Variants in ROBO2 observed in about 807,000 individuals in gnomAD.
ROBO2 encodes roundabout homolog 2.
In ROBO2, 53 loss-of-function variants were observed where a neutral mutation model predicts 160.8. The observed-to-expected ratio is 0.33, with a 90% CI of 0.26 to 0.41. The LOEUF is 0.41. Ranked by LOEUF, ROBO2 falls within the 10% of genes least tolerant of loss-of-function variation. ROBO2 has a pLI of 1.00. For missense variants in ROBO2, 1,577 were observed against 1,722.4 expected, an observed-to-expected ratio of 0.92 and a Z score of 1.49; for synonymous variants, 664 against 611.7, an observed-to-expected ratio of 1.09 and a Z score of -1.26.
intron 2 of ROBO2, among the ~76,000 whole-genome samples, chr3:76,943,363 A>G (rs1306966838): frequency 6.6e-6 from 1 of 152,184 alleles, no homozygotes; most frequent in Non-Finnish European, 1.5e-5. Flanking sequence ...AAAAAGAAAC[A>G]AAACTCTTCT....
At chr3:76,300,844 T>C (rs1238340253) in intron 2 of ROBO2, among the ~76,000 whole-genome samples, 1 of 152,052 alleles carries the variant, frequency 6.6e-6, no homozygotes, top group African/African-American at 2.4e-5. Context: ...AGGTGAGTCT[T>C]TTCTTGTCCA....
intron 2 of ROBO2, among the ~76,000 whole-genome samples, chr3:77,476,286 G>A (rs1363345187): frequency 6.6e-6 from 1 of 151,960 alleles, no homozygotes; most frequent in Non-Finnish European, 1.5e-5. Context: ...CCCCAGTCGC[G>A]GCACATGATT....
chr3:76,155,879 G>T (rs1272817124), intron 2 of ROBO2, among the ~76,000 whole-genome samples: 1 of 152,134 alleles, frequency 6.6e-6, no homozygotes, highest in Non-Finnish European at 1.5e-5. Context: ...AATTGTAAGA[G>T]TACTTGGTGT....
At chr3:77,428,894 A>ATTT (rs2078489419) in intron 2 of ROBO2, among the ~76,000 whole-genome samples, 2 of 152,130 alleles carry the variant, frequency 1.3e-5, no homozygotes, top group Admixed American at 1.3e-4. Context: ...AGAAAAATGC[A>ATTT]TTTTCTGTCA....
intron 2 of ROBO2, among the ~76,000 whole-genome samples, chr3:76,128,355 A>G (rs954287354): frequency 3.9e-5 from 6 of 152,260 alleles, no homozygotes; most frequent in Admixed American, 6.5e-5. Context: ...GAGGGTATGA[A>G]GTGAATGATC....
chr3:77,357,820 A>G (rs954006002), intron 2 of ROBO2, among the ~76,000 whole-genome samples: 5 of 152,188 alleles, frequency 3.3e-5, no homozygotes, highest in African/African-American at 1.2e-4. Flanking sequence ...AATGGAAAGT[A>G]AAGTTTAAGG....
At chr3:76,180,241 C>G (rs1245045391) in intron 2 of ROBO2, among the ~76,000 whole-genome samples, 2 of 152,128 alleles carry the variant, frequency 1.3e-5, no homozygotes, top group Non-Finnish European at 1.5e-5. Context: ...ATAATCTTCC[C>G]TAATGCAAAT....
Position 76,993,232 on chromosome 3 carries a change from C to T in ROBO2, c.110-104782C>T, listed in dbSNP as rs1376350830. Among the ~76,000 whole-genome samples, 4 of 152,132 alleles carry T rather than the reference C, an allele frequency of 2.6e-5. No homozygotes were observed. The South Asian group carries it at 8.3e-4, about 32-fold the overall frequency. ...ATCTCCTGTTGATCAATTTTTGTCT[C>T]ATCTTCTAAGAAGAGTTACTAGTAA... On this transcript the variant is annotated intron_variant, in intron 2 of 26. Transcript: ENST00000487694.
At chr3:76,643,604 A>G (rs1038002106) in intron 2 of ROBO2, among the ~76,000 whole-genome samples, 1 of 152,188 alleles carries the variant, frequency 6.6e-6, no homozygotes, top group Non-Finnish European at 1.5e-5. Flanking sequence ...GAGGATGTGC[A>G]AAAGTATGTT....
intron 2 of ROBO2, among the ~76,000 whole-genome samples, chr3:76,084,982 T>A (rs1050542293): frequency 1.3e-5 from 2 of 151,974 alleles, no homozygotes; most frequent in Non-Finnish European, 1.5e-5. Context: ...TTAGGCTTTT[T>A]AAAAAAAATT....
chr3:76,066,374 TTTAA>T (rs1285168346), intron 2 of ROBO2, among the ~76,000 whole-genome samples: 4 of 152,248 alleles, frequency 2.6e-5, no homozygotes, highest in African/African-American at 4.8e-5. Flanking sequence ...CTCAAAATTA[TTTAA>T]TTATTTGCTA....
At chr3:77,532,948 A>C (rs775759) in intron 6 of ROBO2, among the ~76,000 whole-genome samples, 152,029 of 152,210 alleles carry the variant, frequency 1, 75,924 homozygotes, top group Middle Eastern at 1. Context: ...AATTATGTTC[A>C]TTTTCTGTCA....
intron 1 of ROBO2, among the ~76,000 whole-genome samples, chr3:75,908,582 C>A (rs1946444285): frequency 1.3e-5 from 2 of 151,920 alleles, no homozygotes; most frequent in South Asian, 4.2e-4. Context: ...GAATTCAGAC[C>A]TATGCTATTT....
intron 2 of ROBO2, among the ~76,000 whole-genome samples, chr3:77,269,572 G>C (rs1283895374): frequency 6.6e-6 from 1 of 151,884 alleles, no homozygotes; most frequent in East Asian, 1.9e-4. Flanking sequence ...CATAATTTAA[G>C]GAATTCCAAT....
At chr3:77,302,785 A>T (rs2062771782) in intron 2 of ROBO2, among the ~76,000 whole-genome samples, 1 of 152,218 alleles carries the variant, frequency 6.6e-6, no homozygotes, top group Admixed American at 6.5e-5. Context: ...AGGCAACAAC[A>T]GCAGCTGGCT....
At chr3:77,105,207 T>C (rs577584214) in intron 2 of ROBO2, among the ~76,000 whole-genome samples, 1 of 152,308 alleles carries the variant, frequency 6.6e-6, no homozygotes, top group African/African-American at 2.4e-5. Flanking sequence ...AAAGAACTAT[T>C]ATCATTCTCT....
chr3:76,672,353 A>G (rs1223929305), intron 2 of ROBO2, among the ~76,000 whole-genome samples: 1 of 152,176 alleles, frequency 6.6e-6, no homozygotes, highest in East Asian at 1.9e-4. Flanking sequence ...AGTGACACTT[A>G]GCTATAAGTC....
At chr3:76,332,602 A>C (rs1325009184) in intron 2 of ROBO2, among the ~76,000 whole-genome samples, 1 of 152,208 alleles carries the variant, frequency 6.6e-6, no homozygotes, top group African/African-American at 2.4e-5. Context: ...AGACAATATA[A>C]TCTTGATAGG....
intron 2 of ROBO2, among the ~76,000 whole-genome samples, chr3:76,912,504 T>C (rs1375238202): frequency 6.6e-6 from 1 of 152,140 alleles, no homozygotes; most frequent in Admixed American, 6.5e-5. Flanking sequence ...AAATAAAATA[T>C]TTTACAAGCC....
Sources: gnomAD v4.1 joint callset for allele counts (sites outside exome capture counted in the v4.1 genomes callset) on GRCh38, gnomAD v4.1.1 for gene constraint, MANE v1.5 for transcripts, NCBI Gene and HGNC (gene_info 2026-07-23, HGNC 2026-07-21) for gene names.